Variants in PPP1R9A observed in about 807,000 individuals in gnomAD.
The protein encoded by PPP1R9A is neurabin-1.
Under a neutral mutation model 141.9 loss-of-function variants are expected in PPP1R9A, and 59 were observed. The observed-to-expected ratio is 0.42, with a 90% CI of 0.34 to 0.52. PPP1R9A has a LOEUF of 0.52. Ranked by LOEUF, PPP1R9A falls within the 20% of genes least tolerant of loss-of-function variation. The pLI, the probability that PPP1R9A is intolerant of heterozygous loss-of-function variation, is 0.10. For synonymous variants in PPP1R9A, 500 were observed against 569.7 expected (o/e 0.88, Z 1.74); for missense variants, 1,444 against 1,611.9 (o/e 0.90, Z 1.78).
In PPP1R9A at chr7:95,016,329, T is replaced by G. The variant is rs1454214822; in HGVS notation, c.1396-94930T>G. Reference sequence around the variant, plus strand: ...ATTAGAGAATACAGCAACAGTCTTATGCCACACATTTGACAATGAGATGAA... The same window carrying G: ...ATTAGAGAATACAGCAACAGTCTTAGGCCACACATTTGACAATGAGATGAA... On this transcript the variant is annotated intron_variant, in intron 2 of 19. Transcript: ENST00000433360. Among the ~76,000 whole-genome samples the G allele has an allele frequency of 2.6e-5, 4 of 152,284 alleles. No homozygotes were observed. In the South Asian group the frequency reaches 8.3e-4, roughly 32 times the overall value.
At chr7:95,276,626 G>A (rs1288363006) in intron 16 of PPP1R9A, among the ~76,000 whole-genome samples, 1 of 152,146 alleles carries the variant, frequency 6.6e-6, no homozygotes, top group African/African-American at 2.4e-5. Flanking sequence ...GGTGTTCACA[G>A]GCATGTGTGA....
chr7:94,998,611 G>T (rs567181490), intron 2 of PPP1R9A, among the ~76,000 whole-genome samples: 16 of 152,186 alleles, frequency 1.1e-4, no homozygotes, highest in Middle Eastern at 3.4e-3. Flanking sequence ...CATGGGCTCT[G>T]TTGTAACTTC....
At chr7:95,144,239 A>G (rs1225738252) in intron 4 of PPP1R9A, among the ~76,000 whole-genome samples, 2 of 152,170 alleles carry the variant, frequency 1.3e-5, no homozygotes, top group Non-Finnish European at 2.9e-5. Context: ...ATATGAGATC[A>G]TGCAGAATTT....
At chr7:94,954,257 T>G (rs2151062710) in intron 2 of PPP1R9A, among the ~76,000 whole-genome samples, 1 of 152,196 alleles carries the variant, frequency 6.6e-6, no homozygotes, top group East Asian at 1.9e-4. Flanking sequence ...AGTTTTGTGT[T>G]TTCTGATTTC....
intron 7 of PPP1R9A, among the ~76,000 whole-genome samples, chr7:95,216,573 C>T (rs1319577945): frequency 2.6e-5 from 4 of 152,120 alleles, no homozygotes; most frequent in African/African-American, 4.8e-5. Context: ...GCCATTTTCA[C>T]GATATTGATT....
At chr7:95,002,081 G>T (rs1441326476) in intron 2 of PPP1R9A, among the ~76,000 whole-genome samples, 2 of 152,178 alleles carry the variant, frequency 1.3e-5, no homozygotes, top group African/African-American at 4.8e-5. Context: ...GGTCTATTGA[G>T]AGGGAAATAG....
At chr7:95,220,360 A>G (rs147654814) in intron 7 of PPP1R9A, among the ~76,000 whole-genome samples, 209 of 152,244 alleles carry the variant, frequency 1.4e-3, no homozygotes, top group Non-Finnish European at 2.5e-3. Flanking sequence ...AATTCCATCA[A>G]AAACTGCATA....
At chr7:95,007,530 A>G (rs182261791) in intron 2 of PPP1R9A, among the ~76,000 whole-genome samples, 156 of 152,294 alleles carry the variant, frequency 1.0e-3, no homozygotes, top group African/African-American at 3.6e-3. Context: ...CAATTGTGTT[A>G]TTATGTATAA....
intron 8 of PPP1R9A, among the ~76,000 whole-genome samples, chr7:95,230,237 T>C (rs1457772160): frequency 6.6e-6 from 1 of 152,032 alleles, no homozygotes; most frequent in Non-Finnish European, 1.5e-5. Context: ...ACAATTCTGG[T>C]ATATGACAAA....
intron 2 of PPP1R9A, among the ~76,000 whole-genome samples, chr7:95,092,943 A>T (rs996140930): frequency 1.3e-5 from 2 of 152,186 alleles, no homozygotes; most frequent in Admixed American, 1.3e-4. Context: ...TGCTTTGTCT[A>T]TGTCAGGGTG....
intron 2 of PPP1R9A, among the ~76,000 whole-genome samples, chr7:95,049,636 C>A (rs1363385420): frequency 6.6e-6 from 1 of 152,040 alleles, no homozygotes; most frequent in Non-Finnish European, 1.5e-5. Flanking sequence ...CCACATCATG[C>A]ACTGTGGTAT....
intron 2 of PPP1R9A, among the ~76,000 whole-genome samples, chr7:95,019,823 C>T (rs188605581): frequency 1.3e-5 from 2 of 149,282 alleles, no homozygotes; most frequent in Non-Finnish European, 3.0e-5. Flanking sequence ...AACATCCCCC[C>T]TCGCCCAAAC....
chr7:95,271,825 C>T (rs780242495), intron 14 of PPP1R9A, among the ~76,000 whole-genome samples: 1 of 152,072 alleles, frequency 6.6e-6, no homozygotes, highest in Non-Finnish European at 1.5e-5. Context: ...AGAAGTCTTA[C>T]GTAGAGCTAA....
intron 2 of PPP1R9A, among the ~76,000 whole-genome samples, chr7:95,022,969 G>T (rs1806216261): frequency 6.6e-6 from 1 of 152,140 alleles, no homozygotes; most frequent in African/African-American, 2.4e-5. Flanking sequence ...CCAGGTTTTG[G>T]TATCAGGATG....
At position 95,197,017 on chromosome 7, in the gene PPP1R9A, T is replaced by C. The variant is rs1455002471; in HGVS notation, c.1755-1332T>C. ...TGAACACTTAAAGATAATTTCAAAG[T>C]AAATCTTGCTTGAAACTATATAAAA... On this transcript the variant is annotated intron_variant, in intron 5 of 19. Coordinates refer to ENST00000433360, the MANE Select transcript of PPP1R9A (RefSeq NM_001166160.2). Among the ~76,000 whole-genome samples, 4 of 152,288 alleles carry C rather than the reference T, an allele frequency of 2.6e-5. No individual in the cohort carries two copies. The South Asian group carries it at 6.2e-4, about 24-fold the overall frequency.
rs17166562 is a variant in PPP1R9A at position 94,974,661 on chromosome 7, C to T, written c.1395+63153C>T. ...TGTTTCTCTTCTAAAAAAACATTGA[C>T]GCTTCTTGTTTTATTTTCTTAACTC... On this transcript the variant is annotated intron_variant, in intron 2 of 19. Coordinates refer to ENST00000433360, the MANE Select transcript of PPP1R9A (RefSeq NM_001166160.2). Among the ~76,000 whole-genome samples, 180 of 152,266 alleles carry T rather than the reference C, an allele frequency of 1.2e-3. 2 individuals are homozygous for T. The highest frequency in any genetic ancestry group is 9.3e-3 in the East Asian group (48 of 5,184).
chr7:94,981,422 T>G (rs1227654876), intron 2 of PPP1R9A, among the ~76,000 whole-genome samples: 1 of 152,086 alleles, frequency 6.6e-6, no homozygotes, highest in African/African-American at 2.4e-5. Context: ...GTATTTTTAG[T>G]ACAGATGGGG....
rs1563277764 is a variant in PPP1R9A, at chr7:95,128,144, C to T, written c.1649+7312C>T. Among the ~76,000 whole-genome samples the T allele has an allele frequency of 2.0e-5, 3 of 152,280 alleles. No individual in the cohort carries two copies. In the South Asian group the frequency reaches 6.2e-4, roughly 32 times the overall value. ...TGTATGCCCACCAACAGCGTGTAAG[C>T]ATTCCCTTTTCTCCACAGCCTCACC... On this transcript the variant is annotated intron_variant, in intron 4 of 19. Coordinates refer to ENST00000433360, the MANE Select transcript of PPP1R9A (RefSeq NM_001166160.2).
chr7:95,180,053 G>A (rs186975571), intron 5 of PPP1R9A, among the ~76,000 whole-genome samples: 35 of 152,160 alleles, frequency 2.3e-4, no homozygotes, highest in African/African-American at 8.2e-4. Context: ...AACCAAAAAA[G>A]CCTGTATAGC....
Sources: gnomAD v4.1 joint callset for allele counts (sites outside exome capture counted in the v4.1 genomes callset) on GRCh38, gnomAD v4.1.1 for gene constraint, MANE v1.5 for transcripts, NCBI Gene and HGNC (gene_info 2026-07-23, HGNC 2026-07-21) for gene names.